OIT3: variants seen among roughly 807,000 people sequenced by gnomAD.
OIT3 encodes oncoprotein-induced transcript 3 protein.
Under a neutral mutation model 52.2 loss-of-function variants are expected in OIT3, and 41 were observed. The observed-to-expected ratio is 0.79, with a 90% CI of 0.61 to 1.02. The LOEUF (loss-of-function observed/expected upper bound fraction) is 1.02, where lower values mean the gene tolerates loss of function less well. OIT3 is among the 50% of genes least tolerant of loss of function. The pLI, the probability that OIT3 is intolerant of heterozygous loss-of-function variation, is 0.00. For synonymous variants in OIT3, 244 were observed against 276.9 expected, an observed-to-expected ratio of 0.88 and a Z score of 1.18; for missense variants, 634 against 715.5, an observed-to-expected ratio of 0.89 and a Z score of 1.30.
chr10:72,902,652 A>G (rs1845943952), intron 3 of OIT3, among the ~76,000 whole-genome samples: 1 of 152,256 alleles, frequency 6.6e-6, no homozygotes, highest in South Asian at 2.1e-4. Flanking sequence ...CCTCACAATC[A>G]TGGCAGAAGA....
intron 2 of OIT3, 83 bp from the exon 3 acceptor site, chr10:72,900,294 A>ACCCCCC: frequency 2.4e-6 from 1 of 421,168 alleles, no homozygotes; most frequent in Non-Finnish European, 4.6e-6. Context: ...ACCCCCCCCG[A>ACCCCCC]CCCCCCGCAC....
intron 6 of OIT3, among the ~76,000 whole-genome samples, chr10:72,920,039 T>C (rs1589528423): frequency 6.6e-6 from 1 of 152,308 alleles, no homozygotes; most frequent in East Asian, 1.9e-4. Context: ...CTCTTCTTTG[T>C]ACAGGGGGTA....
intron 6 of OIT3, among the ~76,000 whole-genome samples, chr10:72,917,369 A>G (rs924468355): frequency 1.3e-5 from 2 of 151,774 alleles, no homozygotes; most frequent in African/African-American, 4.8e-5. Flanking sequence ...TTGTCTCCCC[A>G]TCGTTTCCAT....
At chr10:72,909,277 C>T (rs1275544451) in intron 4 of OIT3, among the ~76,000 whole-genome samples, 2 of 151,944 alleles carry the variant, frequency 1.3e-5, no homozygotes, top group East Asian at 3.9e-4. Flanking sequence ...TGCACCACCA[C>T]ACCAAGCTAG....
rs779208918 is a variant in OIT3, at chr10:72,906,620, A to G, written c.569A>G (p.Asn190Ser). Residue 190 changes from asparagine to serine, a missense_variant, in exon 4 of 9, where the codon AAC (asparagine) becomes AGC (serine). Asn to Ser is a conservative substitution (Grantham distance 46, BLOSUM62 1). Transcript: ENST00000334011. ...GATGAAAATGAATGTGAGCAAAACA[A>G]CGGTGGCTGCAGTGAGATCTGTGTG... ...CFDENECEQN[N>S]GGCSEICVNL... 1 of 1,613,992 alleles carries G rather than the reference A, an allele frequency of 6.2e-7. No homozygotes were observed. The highest frequency in any genetic ancestry group is 1.3e-5 in the African/African-American group (1 of 75,022).
At chr10:72,926,576 G>A (rs1653421846) in intron 7 of OIT3, among the ~76,000 whole-genome samples, 1 of 152,170 alleles carries the variant, frequency 6.6e-6, no homozygotes, top group South Asian at 2.1e-4. Flanking sequence ...GCTTTGATCA[G>A]TAAATCTGCT....
intron 5 of OIT3, 59 bp from the exon 6 acceptor site, chr10:72,913,249 A>G: frequency 2.1e-6 from 3 of 1,403,780 alleles, no homozygotes; most frequent in Non-Finnish European, 2.9e-6. Flanking sequence ...TATTTCTCCT[A>G]AAAGCCTTCC....
At chr10:72,931,695 G>A (rs192099487) in intron 8 of OIT3, among the ~76,000 whole-genome samples, 1 of 152,304 alleles carries the variant, frequency 6.6e-6, no homozygotes, top group East Asian at 1.9e-4. Flanking sequence ...ACAATTTACA[G>A]GCATATTAAA....
intron 1 of OIT3, among the ~76,000 whole-genome samples, chr10:72,897,920 A>G (rs544674175): frequency 6.6e-6 from 1 of 151,980 alleles, no homozygotes; most frequent in African/African-American, 2.4e-5. Context: ...CTTCTCCTGT[A>G]AATAATTTTT....
chr10:72,930,538 C>T lies in OIT3; in HGVS notation c.1368C>T (p.Gly456=), dbSNP rs1056958113. ...TATGTGCTATCTGCCCTACTTTCAG[C>T]TGTGTTTCAGATGACTCGGTAAAGC... The part of the protein sequence containing the change: ...EVLKYYLIRD[G]CVSDDSVKQY... The change falls in exon 8 of 9, where the codon GGC becomes GGT. Residue 456 remains glycine, a splice_region_variant and synonymous_variant. Transcript: ENST00000334011. 1.2e-6 allele frequency: 2 copies of T among 1,606,708 alleles called. No homozygotes were observed. Among genetic ancestry groups the T allele is most frequent in the African/African-American group, 2.7e-5 (2 of 74,748 alleles).
intron 6 of OIT3, among the ~76,000 whole-genome samples, chr10:72,916,969 A>G (rs1846078402): frequency 6.6e-6 from 1 of 151,968 alleles, no homozygotes. Context: ...GGCCACATGT[A>G]TGTCTTCTTT....
intron 3 of OIT3, among the ~76,000 whole-genome samples, chr10:72,905,927 T>C (rs1845975640): frequency 6.6e-6 from 1 of 152,226 alleles, no homozygotes; most frequent in Non-Finnish European, 1.5e-5. Context: ...GTTTATGTCC[T>C]ATCTAGGCCT....
At chr10:72,923,973 A>G (rs1418626253) in intron 6 of OIT3, among the ~76,000 whole-genome samples, 1 of 152,150 alleles carries the variant, frequency 6.6e-6, no homozygotes, top group African/African-American at 2.4e-5. Context: ...CCTCAGAGAT[A>G]AGGAGCAGAT....
intron 6 of OIT3, among the ~76,000 whole-genome samples, chr10:72,920,866 A>C (rs562816404): frequency 9.2e-5 from 14 of 152,340 alleles, no homozygotes; most frequent in African/African-American, 3.4e-4. Flanking sequence ...TTTTAGAGTA[A>C]GTATCATATG....
In OIT3 at chr10:72,918,649, C is replaced by T. The variant is rs1290261575; in HGVS notation, c.951+5181C>T. The T allele has an allele frequency of 1.7e-5, 11 of 631,340 alleles. 1 individual carries two copies. The highest frequency in any genetic ancestry group is 3.1e-5 in the Non-Finnish European group (11 of 353,690). 39.1% of individuals were successfully genotyped at this position (631,340 alleles called of 1,614,324 possible). ...ACCAGGGTACACTTAAGTTTTTAAC[C>T]CATCTTGAGTTAATTTTCGTATATG... On this transcript the variant is annotated intron_variant, in intron 6 of 8. Transcript: ENST00000334011.
Position 72,932,675 on chromosome 10 carries a change from C to T in OIT3, c.*151C>T, listed in dbSNP as rs1337497702. 1.5e-6 allele frequency: 1 copy of T among 660,030 alleles called. No individual in the cohort carries two copies. The highest frequency in any genetic ancestry group is 1.8e-5 in the African/African-American group (1 of 54,630). 40.9% of individuals were successfully genotyped at this position (660,030 alleles called of 1,614,324 possible). ...AGCACCAACTCACTCTGATTCTGGT[C>T]CATTCAGTGGGCACAGGTCACAGCA... is the stretch of plus-strand genomic sequence containing the variant. On this transcript the variant is annotated 3_prime_UTR_variant, in exon 9 of 9. Transcript: ENST00000334011.
At chr10:72,901,865 G>T (rs957877754) in intron 3 of OIT3, among the ~76,000 whole-genome samples, 1 of 152,082 alleles carries the variant, frequency 6.6e-6, no homozygotes, top group Non-Finnish European at 1.5e-5. Context: ...AACATAGTGA[G>T]ACCCCATCTC....
intron 6 of OIT3, among the ~76,000 whole-genome samples, chr10:72,923,048 G>A (rs561118881): frequency 8.5e-5 from 13 of 152,150 alleles, no homozygotes; most frequent in Admixed American, 3.9e-4. Flanking sequence ...GCTAATTTTT[G>A]TGTATTTTTT....
intron 3 of OIT3, among the ~76,000 whole-genome samples, chr10:72,905,762 C>T (rs1845973558): frequency 6.6e-6 from 1 of 152,180 alleles, no homozygotes; most frequent in Non-Finnish European, 1.5e-5. Flanking sequence ...CTTATTGCTT[C>T]CCTGGGCCAC....
Sources: allele counts gnomAD v4.1 joint callset (sites outside exome capture counted in the v4.1 genomes callset), GRCh38; gene constraint gnomAD v4.1.1; transcripts MANE v1.5; gene names NCBI Gene and HGNC (gene_info 2026-07-23, HGNC 2026-07-21).